MSRA: variants seen among roughly 807,000 people sequenced by gnomAD.
The protein encoded by MSRA is methionine sulfoxide reductase A.
Under a neutral mutation model 31.3 loss-of-function variants are expected in MSRA, and 54 were observed. The ratio of observed to expected loss-of-function variants is 1.73; its 90% CI spans 1.39 to 2.17. MSRA has a LOEUF of 2.17. MSRA is among the 30% of genes most tolerant of loss of function. The pLI, the probability that MSRA is intolerant of heterozygous loss-of-function variation, is 0.00. For missense variants in MSRA, 507 were observed against 300.9 expected, an observed-to-expected ratio of 1.69 and a Z score of -5.07; for synonymous variants, 169 against 116.5, an observed-to-expected ratio of 1.45 and a Z score of -2.90.
At chr8:10,323,564 T>C (rs1351689104) in intron 5 of MSRA, among the ~76,000 whole-genome samples, 1 of 152,222 alleles carries the variant, frequency 6.6e-6, no homozygotes, top group Non-Finnish European at 1.5e-5. Flanking sequence ...GGAACCCACG[T>C]TGATTTTAGA....
intron 1 of MSRA, among the ~76,000 whole-genome samples, chr8:10,165,547 G>T (rs1441972321): frequency 6.6e-6 from 1 of 152,188 alleles, no homozygotes; most frequent in Non-Finnish European, 1.5e-5. Flanking sequence ...ACAGCAGCAC[G>T]TTGGTACCTG....
chr8:10,134,552 C>A (rs955855065), intron 1 of MSRA, among the ~76,000 whole-genome samples: 9 of 152,236 alleles, frequency 5.9e-5, no homozygotes, highest in African/African-American at 2.2e-4. Context: ...CTGCAGGACC[C>A]TTCGGCCAAG....
Position 10,139,044 on chromosome 8 carries a change from TTC to T in MSRA, c.143-68787_143-68786del, listed in dbSNP as rs144853496. Among the ~76,000 whole-genome samples the T allele has an allele frequency of 4.2e-3, 636 of 152,326 alleles. 3 individuals are homozygous for T. Among genetic ancestry groups the T allele is most frequent in the African/African-American group, 0.014 (591 of 41,574 alleles). On this transcript the variant is annotated intron_variant, in intron 1 of 5. Transcript: ENST00000317173. Reference sequence around the variant, plus strand: ...CAGTCTGTTCTTTTGAGATCTAAGATTCTGTTATTTTAAAGGCTTTCATTACT... The same window carrying T: ...CAGTCTGTTCTTTTGAGATCTAAGATTGTTATTTTAAAGGCTTTCATTACT...
intron 3 of MSRA, among the ~76,000 whole-genome samples, chr8:10,275,300 A>G (rs760351242): frequency 1.3e-5 from 2 of 152,212 alleles, no homozygotes; most frequent in African/African-American, 2.4e-5. Context: ...AATCTTAAGG[A>G]ACAGCTCTCT....
chr8:10,241,523 T>C (rs1377200600), intron 2 of MSRA, among the ~76,000 whole-genome samples: 6 of 152,214 alleles, frequency 3.9e-5, no homozygotes, highest in South Asian at 2.1e-4. Context: ...GAAGCAAGCA[T>C]TTATCTTCCC....
Position 10,269,376 on chromosome 8 carries a change from TATGTCATGATATATA to T in MSRA, c.331+24154_331+24168del, listed in dbSNP as rs1248391403. Among the ~76,000 whole-genome samples, 6 of 152,178 alleles carry T rather than the reference TATGTCATGATATATA, an allele frequency of 3.9e-5. No individual in the cohort carries two copies. The East Asian group carries it at 5.8e-4, about 15-fold the overall frequency. On this transcript the variant is annotated intron_variant, in intron 3 of 5. Transcript: ENST00000317173. ...ACAGAACTTATAGCAGAATCAGAAA[TATGTCATGATATATA>T]GGCCTACTTATGGAAGAAACAACCC...
At chr8:10,286,426 T>TGCC (rs1799941667) in intron 3 of MSRA, among the ~76,000 whole-genome samples, 1 of 152,194 alleles carries the variant, frequency 6.6e-6, no homozygotes, top group Non-Finnish European at 1.5e-5. Context: ...CTTTGCCTGC[T>TGCC]GCCGCCGCCA....
intron 1 of MSRA, among the ~76,000 whole-genome samples, chr8:10,105,729 T>C (rs982823524): frequency 6.6e-6 from 1 of 152,180 alleles, no homozygotes; most frequent in Non-Finnish European, 1.5e-5. Context: ...AATTGAGAAA[T>C]GCACACTGTT....
At chr8:10,123,094 C>T (rs564380576) in intron 1 of MSRA, among the ~76,000 whole-genome samples, 11 of 152,296 alleles carry the variant, frequency 7.2e-5, no homozygotes, top group East Asian at 1.9e-4. Context: ...TTTAGCTCTT[C>T]GAGGAATTGC....
chr8:10,218,868 G>A (rs1810238967), intron 2 of MSRA, among the ~76,000 whole-genome samples: 1 of 152,218 alleles, frequency 6.6e-6, no homozygotes, highest in Non-Finnish European at 1.5e-5. Context: ...TAGAGCCACA[G>A]TACAGATTGC....
At chr8:10,426,672 G>A (rs1027439181) in intron 5 of MSRA, among the ~76,000 whole-genome samples, 1 of 152,266 alleles carries the variant, frequency 6.6e-6, no homozygotes, top group Non-Finnish European at 1.5e-5. Context: ...AGGGTGAGCT[G>A]AGAATGTCAG....
intron 5 of MSRA, among the ~76,000 whole-genome samples, chr8:10,406,020 G>A (rs1179296092): frequency 2.0e-5 from 3 of 152,284 alleles, no homozygotes; most frequent in African/African-American, 4.8e-5. Context: ...GGGTAGGGCT[G>A]CCTGCAGTGA....
chr8:10,342,582 CA>C (rs1803496811), intron 5 of MSRA, among the ~76,000 whole-genome samples: 1 of 152,208 alleles, frequency 6.6e-6, no homozygotes, highest in African/African-American at 2.4e-5. Context: ...GTCTGCCTCA[CA>C]GAGAAGCACA....
At chr8:10,296,791 C>T (rs1211070158) in intron 3 of MSRA, among the ~76,000 whole-genome samples, 2 of 152,156 alleles carry the variant, frequency 1.3e-5, no homozygotes, top group Non-Finnish European at 2.9e-5. Flanking sequence ...ACCTGCTTTG[C>T]CTCCTCTCCC....
intron 1 of MSRA, among the ~76,000 whole-genome samples, chr8:10,202,611 G>T (rs1320524092): frequency 6.6e-6 from 1 of 152,218 alleles, no homozygotes; most frequent in East Asian, 1.9e-4. Flanking sequence ...AAGAAAGTAT[G>T]CTGTGTTTGA....
chr8:10,400,973 G>A (rs1449046607), intron 5 of MSRA, among the ~76,000 whole-genome samples: 1 of 152,212 alleles, frequency 6.6e-6, no homozygotes, highest in African/African-American at 2.4e-5. Context: ...TGGATTTAAT[G>A]CAGATCTCTG....
chr8:10,185,267 G>C (rs2705262), intron 1 of MSRA, among the ~76,000 whole-genome samples: 1 of 152,190 alleles, frequency 6.6e-6, no homozygotes, highest in Non-Finnish European at 1.5e-5. Context: ...GCAGTCATTA[G>C]AATTCATTAT....
chr8:10,112,786 T>G (rs1048969513), intron 1 of MSRA, among the ~76,000 whole-genome samples: 3 of 136,588 alleles, frequency 2.2e-5, no homozygotes, highest in African/African-American at 1.1e-4. Flanking sequence ...GTTGGAGAAG[T>G]TTTTCTCTTT....
chr8:10,056,204 A>AC lies in MSRA; in HGVS notation c.142+1546_142+1547insC, dbSNP rs940360303. Among the ~76,000 whole-genome samples, 310 of 142,016 alleles carry AC rather than the reference A, an allele frequency of 2.2e-3. 5 individuals are homozygous for AC. The highest frequency in any genetic ancestry group is 0.01 in the Admixed American group (136 of 13,452). 93.2% of individuals were successfully genotyped at this position (142,016 alleles called of 152,430 possible). On this transcript the variant is annotated intron_variant, in intron 1 of 5. Transcript: ENST00000317173. ...GCTATGCCCTCCCATACACCAAAAA[A>AC]AAAAAAAAAAAAAAAAACCCCAAAT...
Sources: allele counts gnomAD v4.1 joint callset (sites outside exome capture counted in the v4.1 genomes callset), GRCh38; gene constraint gnomAD v4.1.1; transcripts MANE v1.5; gene names NCBI Gene and HGNC (gene_info 2026-07-23, HGNC 2026-07-21).